N4BP2L2: variants seen among roughly 807,000 people sequenced by gnomAD.
N4BP2L2 encodes NEDD4 binding protein 2 like 2, also known as NEDD4-binding protein 2-like 2.
Under a neutral mutation model 56.2 loss-of-function variants are expected in N4BP2L2, and 50 were observed. The ratio of observed to expected loss-of-function variants is 0.89; its 90% CI spans 0.71 to 1.13. The LOEUF (loss-of-function observed/expected upper bound fraction) is 1.13. Among genes scored for constraint, N4BP2L2 ranks in the 50% most tolerant of loss-of-function variants. The pLI is 0.00. For missense variants in N4BP2L2, 689 were observed against 693.8 expected (o/e 0.99, Z 0.08); for synonymous variants, 203 against 223.6 (o/e 0.91, Z 0.82).
exon 7 of N4BP2L2, chr13:32,443,286 T>C (rs777522573): frequency 4.3e-6 from 7 of 1,614,032 alleles, no homozygotes; most frequent in Admixed American, 1.7e-5. Flanking sequence ...TTTGAATCCA[T>C]TGCCCCCTGC....
In N4BP2L2 at chr13:32,443,485, C is replaced by T. The variant is rs374126425; in HGVS notation, c.1007G>A (p.Arg336Lys). 9 of 1,612,728 alleles carry T rather than the reference C, an allele frequency of 5.6e-6. No individual in the cohort carries two copies. The African/African-American group carries it at 1.1e-4, about 19-fold the overall frequency. ...TTTAGTTGTATACACTTGTTCCTCT[C>T]TTAAAACTTTATCTGACATTCTGAT... Residue 336 changes from arginine (R) to lysine (K), a missense_variant, in exon 7 of 10, where the codon AGA (arginine) becomes AAA (lysine). Coordinates refer to the N4BP2L2 transcript ENST00000357505.
At chr13:32,459,548 A>T (rs2079622753) in intron 6 of N4BP2L2, among the ~76,000 whole-genome samples, 2 of 152,170 alleles carry the variant, frequency 1.3e-5, no homozygotes, top group Non-Finnish European at 1.5e-5. Context: ...AAATTCTGGG[A>T]CATATATACA....
intron 7 of N4BP2L2, among the ~76,000 whole-genome samples, chr13:32,441,807 G>A (rs1172589617): frequency 6.7e-6 from 1 of 150,094 alleles, no homozygotes; most frequent in African/African-American, 2.4e-5. Context: ...ACTTTGGGAG[G>A]CCGAGGCGGG....
chr13:32,442,267 G>A (rs2076508362), intron 7 of N4BP2L2: 2 of 911,690 alleles, frequency 2.2e-6, no homozygotes, highest in Admixed American at 6.0e-5. Context: ...ACTCACTGCT[G>A]AAAAGCATCA....
chr13:32,535,116 G>T (rs2056196667), intron 2 of N4BP2L2, among the ~76,000 whole-genome samples: 1 of 152,120 alleles, frequency 6.6e-6, no homozygotes, highest in Non-Finnish European at 1.5e-5. Context: ...CTTTCCTTGG[G>T]TCATCTCATT....
chr13:32,532,559 G>A (rs2055140226), intron 2 of N4BP2L2, among the ~76,000 whole-genome samples: 1 of 149,708 alleles, frequency 6.7e-6, no homozygotes, highest in African/African-American at 2.4e-5. Flanking sequence ...TTTATATGTA[G>A]GTTATGTTTC....
At chr13:32,504,630 C>G (rs2090609895) in intron 6 of N4BP2L2, 1 of 152,236 alleles carries the variant, frequency 6.6e-6, no homozygotes, top group Non-Finnish European at 1.5e-5. Flanking sequence ...TCTGGCCCCT[C>G]AAAATTCATG....
chr13:32,451,014 C>T lies in N4BP2L2; in HGVS notation c.366-6888G>A, dbSNP rs532104919. ...TACAGGTGTGAGCCACCGCACCTGG[C>T]CTAAAATGTGATACTTAAAGGGATA... On this transcript the variant is annotated intron_variant, in intron 6 of 9. Transcript: ENST00000357505. Among the ~76,000 whole-genome samples the T allele has an allele frequency of 5.9e-5, 9 of 151,918 alleles. No individual in the cohort carries two copies. In the South Asian group the frequency reaches 1.5e-3, roughly 25 times the overall value.
At chr13:32,449,655 T>A (rs1370759299) in intron 6 of N4BP2L2, among the ~76,000 whole-genome samples, 1 of 152,212 alleles carries the variant, frequency 6.6e-6, no homozygotes, top group Admixed American at 6.5e-5. Flanking sequence ...GCTTTAATTA[T>A]AAATAAAGCA....
chr13:32,531,296 A>G (rs1029061422), intron 2 of N4BP2L2, among the ~76,000 whole-genome samples: 3 of 152,208 alleles, frequency 2.0e-5, no homozygotes, highest in South Asian at 4.1e-4. Context: ...AACCTGTTAT[A>G]CAGCCTTGAG....
intron 6 of N4BP2L2, among the ~76,000 whole-genome samples, chr13:32,475,036 G>A (rs2083038220): frequency 6.6e-6 from 1 of 152,022 alleles, no homozygotes; most frequent in African/African-American, 2.4e-5. Flanking sequence ...TTTCATCACT[G>A]GACACTAAAA....
chr13:32,467,802 C>G (rs1182472679), intron 6 of N4BP2L2, among the ~76,000 whole-genome samples: 1 of 151,252 alleles, frequency 6.6e-6, no homozygotes, highest in East Asian at 2.0e-4. Context: ...CCAGCCTGAC[C>G]AACATAGCGA....
chr13:32,432,787 ACCT>A (rs1025379662), exon 10 of N4BP2L2: 4 of 152,164 alleles, frequency 2.6e-5, no homozygotes, highest in African/African-American at 9.7e-5. Context: ...TCAAATTGTT[ACCT>A]CCTCTGTTGA....
At chr13:32,465,197 C>T (rs2081011375) in intron 6 of N4BP2L2, among the ~76,000 whole-genome samples, 2 of 152,038 alleles carry the variant, frequency 1.3e-5, no homozygotes, top group African/African-American at 4.8e-5. Flanking sequence ...AAACTCCTGA[C>T]CTTGTGATCC....
intron 3 of N4BP2L2, chr13:32,524,644 T>C (rs2052118139): frequency 6.6e-6 from 1 of 152,226 alleles, no homozygotes; most frequent in African/African-American, 2.4e-5. Flanking sequence ...TTTAAATATA[T>C]TCAAGTTCAT....
chr13:32,536,210 G>A lies in N4BP2L2; in HGVS notation c.818C>T (p.Pro273Leu), dbSNP rs747331226. 5 of 1,614,002 alleles carry A rather than the reference G, an allele frequency of 3.1e-6. No homozygotes were observed. In the South Asian group the frequency reaches 5.5e-5, roughly 18 times the overall value. ...AGGGGGACCATAGGGCACTATAAAA[G>A]GATATACTGACTGCCATTCAGGCCT... The change falls in exon 2 of 6, where the codon CCT (proline) becomes CTT (leucine). Residue 273 changes from proline to leucine, a missense_variant. By Grantham distance (98) the Pro-to-Leu change is moderately conservative. Transcript: ENST00000267068.
chr13:32,520,240 A>G (rs1301972645), intron 5 of N4BP2L2, among the ~76,000 whole-genome samples: 2 of 152,220 alleles, frequency 1.3e-5, no homozygotes, highest in African/African-American at 4.8e-5. Flanking sequence ...ATATACAGAA[A>G]AACACTGAAT....
At chr13:32,522,510 A>G in intron 3 of N4BP2L2, 1 of 292,922 alleles carries the variant, frequency 3.4e-6, no homozygotes, top group Non-Finnish European at 6.1e-6. Context: ...TGGCTCTGAA[A>G]GGCATTTTGC....
intron 6 of N4BP2L2, among the ~76,000 whole-genome samples, chr13:32,450,651 G>C (rs151067768): frequency 0.012 from 1,758 of 148,686 alleles, 40 homozygotes; most frequent in African/African-American, 0.042. Flanking sequence ...TTTTTTATAA[G>C]ACAGAATCTT....
Sources: gnomAD v4.1 joint callset for allele counts (sites outside exome capture counted in the v4.1 genomes callset) on GRCh38, gnomAD v4.1.1 for gene constraint, MANE v1.5 for transcripts, NCBI Gene and HGNC (gene_info 2026-07-23, HGNC 2026-07-21) for gene names.